SAMD5: variants seen among roughly 807,000 people sequenced by gnomAD.
The protein encoded by SAMD5 is sterile alpha motif domain containing 5, also known as sterile alpha motif domain-containing protein 5.
Under a neutral mutation model 11.3 loss-of-function variants are expected in SAMD5, and 13 were observed. That is an observed-to-expected ratio of 1.15 (90% CI 0.75 to 1.83). SAMD5 has a LOEUF of 1.83. SAMD5 is among the 40% of genes most tolerant of loss of function. SAMD5 has a pLI of 0.00. For missense variants in SAMD5, 255 were observed against 239.1 expected (o/e 1.07, Z -0.44); for synonymous variants, 129 against 111.3 (o/e 1.16, Z -1.00).
At chr6:147,848,265 G>GA in the SAMD5 span, among the ~76,000 whole-genome samples, 2 of 152,148 alleles carry the variant, frequency 1.3e-5, no homozygotes, top group Non-Finnish European at 2.9e-5. Context: ...TGAAGGGGCG[G>GA]TCTGGATGAG....
At chr6:147,621,748 T>C (rs139378789) in intron 1 of SAMD5, among the ~76,000 whole-genome samples, 35 of 152,300 alleles carry the variant, frequency 2.3e-4, no homozygotes, top group African/African-American at 8.2e-4. Context: ...TTTTGTACTA[T>C]AATGATACCT....
chr6:147,626,780 A>T (rs1790056451), intron 1 of SAMD5, among the ~76,000 whole-genome samples: 1 of 126,942 alleles, frequency 7.9e-6, no homozygotes, highest in Non-Finnish European at 1.6e-5. Flanking sequence ...ATAACGAGAC[A>T]CTGTTTCTAT....
chr6:147,778,432 C>T, the SAMD5 span, among the ~76,000 whole-genome samples: 1 of 152,110 alleles, frequency 6.6e-6, no homozygotes, highest in Non-Finnish European at 1.5e-5. Flanking sequence ...TGTCCAAAAC[C>T]GAAGGCAGAT....
At chr6:147,878,681 A>G in the SAMD5 span, among the ~76,000 whole-genome samples, 1 of 150,472 alleles carries the variant, frequency 6.6e-6, no homozygotes, top group Non-Finnish European at 1.5e-5. Context: ...ATATGTAGAT[A>G]TATTATCTAG....
intron 1 of SAMD5, among the ~76,000 whole-genome samples, chr6:147,717,747 C>T (rs1791488833): frequency 6.6e-6 from 1 of 152,082 alleles, no homozygotes; most frequent in Non-Finnish European, 1.5e-5. Flanking sequence ...GAGGCTGAGG[C>T]AGGAAGAATT....
the SAMD5 span, chr6:147,743,039 ACAC>A: frequency 6.6e-6 from 1 of 152,198 alleles, no homozygotes; most frequent in African/African-American, 2.4e-5. Flanking sequence ...TTTTTAAAGA[ACAC>A]CATATATTCC....
At chr6:147,614,735 C>T (rs986242610) in intron 1 of SAMD5, among the ~76,000 whole-genome samples, 16 of 151,824 alleles carry the variant, frequency 1.1e-4, no homozygotes, top group South Asian at 4.1e-4. Context: ...GGAATGTTGT[C>T]AGTTTGCTAT....
the SAMD5 span, among the ~76,000 whole-genome samples, chr6:147,863,736 C>T: frequency 6.6e-6 from 1 of 152,000 alleles, no homozygotes. Flanking sequence ...TGTCCATCCC[C>T]CACCAGTCTT....
At chr6:147,896,738 C>CAAAAAAA in the SAMD5 span, among the ~76,000 whole-genome samples, 21 of 55,296 alleles carry the variant, frequency 3.8e-4, 1 homozygote, top group East Asian at 5.7e-4. Flanking sequence ...GAACATTAAC[C>CAAAAAAA]AAAAAAAAAA....
the SAMD5 span, among the ~76,000 whole-genome samples, chr6:147,862,147 CT>C: frequency 6.6e-6 from 1 of 151,814 alleles, no homozygotes; most frequent in East Asian, 1.9e-4. Context: ...GGATTTGTTT[CT>C]TGTTTAGTTT....
intron 1 of SAMD5, among the ~76,000 whole-genome samples, chr6:147,678,771 T>G (rs1790900208): frequency 6.6e-6 from 1 of 152,184 alleles, no homozygotes. Flanking sequence ...GTTCTTGGCA[T>G]AAGTGAGCTC....
At chr6:147,821,742 G>C in the SAMD5 span, among the ~76,000 whole-genome samples, 1 of 152,114 alleles carries the variant, frequency 6.6e-6, no homozygotes, top group Non-Finnish European at 1.5e-5. Flanking sequence ...CTTTAAAAAC[G>C]GCATTAACTT....
the SAMD5 span, among the ~76,000 whole-genome samples, chr6:147,766,492 G>A: frequency 6.6e-6 from 1 of 152,170 alleles, no homozygotes; most frequent in African/African-American, 2.4e-5. Flanking sequence ...AATGACTTTT[G>A]ACTTTTTGCT....
At chr6:147,943,885 G>T in the SAMD5 span, among the ~76,000 whole-genome samples, 1 of 152,044 alleles carries the variant, frequency 6.6e-6, no homozygotes, top group Non-Finnish European at 1.5e-5. Context: ...TCATCTCAGT[G>T]CACATAATTC....
At chr6:147,613,886 C>T (rs1445099561) in intron 1 of SAMD5, among the ~76,000 whole-genome samples, 1 of 151,952 alleles carries the variant, frequency 6.6e-6, no homozygotes, top group Non-Finnish European at 1.5e-5. Flanking sequence ...CTGCATTCAT[C>T]CACCAAGTCT....
At chr6:147,827,468 A>G in the SAMD5 span, among the ~76,000 whole-genome samples, 1 of 152,208 alleles carries the variant, frequency 6.6e-6, no homozygotes, top group Non-Finnish European at 1.5e-5. Context: ...AGTACAAACA[A>G]TAGAGCGGAA....
At chr6:147,510,945 AG>A (rs1788078891) in intron 1 of SAMD5, among the ~76,000 whole-genome samples, 1 of 152,228 alleles carries the variant, frequency 6.6e-6, no homozygotes, top group Non-Finnish European at 1.5e-5. Flanking sequence ...TCTGGTCATC[AG>A]TATAAAGGCT....
chr6:147,835,535 T>C, the SAMD5 span, among the ~76,000 whole-genome samples: 1 of 152,186 alleles, frequency 6.6e-6, no homozygotes, highest in Non-Finnish European at 1.5e-5. Context: ...CTCAGTCATC[T>C]ATTATAGAGG....
the SAMD5 span, among the ~76,000 whole-genome samples, chr6:147,862,436 G>C: frequency 0.82 from 125,345 of 152,082 alleles, 51,783 homozygotes; most frequent in African/African-American, 0.88. Context: ...TTTCTTGAGG[G>C]TTCTAAAACT....
Sources: allele counts gnomAD v4.1 joint callset (sites outside exome capture counted in the v4.1 genomes callset), GRCh38; gene constraint gnomAD v4.1.1; transcripts MANE v1.5; gene names NCBI Gene and HGNC (gene_info 2026-07-23, HGNC 2026-07-21).